CCSER1: variants seen among roughly 807,000 people sequenced by gnomAD.
CCSER1 encodes coiled-coil serine rich protein 1, also known as serine-rich coiled-coil domain-containing protein 1.
Under a neutral mutation model 82.0 loss-of-function variants are expected in CCSER1, and 41 were observed. That is an observed-to-expected ratio of 0.50 (90% CI 0.39 to 0.65). CCSER1 has a LOEUF of 0.65. Ranked by LOEUF, CCSER1 falls within the 30% of genes least tolerant of loss-of-function variation. The pLI, the probability that CCSER1 is intolerant of heterozygous loss-of-function variation, is 0.00. For missense variants in CCSER1, 1,119 were observed against 1,064.2 expected (o/e 1.05, Z -0.72); for synonymous variants, 414 against 383.9 (o/e 1.08, Z -0.92).
chr4:90,252,301 A>G (rs771629408), intron 1 of CCSER1, among the ~76,000 whole-genome samples: 5 of 151,902 alleles, frequency 3.3e-5, no homozygotes, highest in Non-Finnish European at 7.4e-5. Flanking sequence ...TGCTCAACCT[A>G]TATATGTTTA....
At chr4:91,567,373 G>T (rs185375909) in intron 10 of CCSER1, among the ~76,000 whole-genome samples, 1 of 152,216 alleles carries the variant, frequency 6.6e-6, no homozygotes, top group Non-Finnish European at 1.5e-5. Context: ...TTAAGGTGGA[G>T]AGTTATGTAA....
intron 1 of CCSER1, among the ~76,000 whole-genome samples, chr4:90,181,744 C>T (rs1403362680): frequency 6.6e-6 from 1 of 152,130 alleles, no homozygotes; most frequent in Non-Finnish European, 1.5e-5. Context: ...TTGGCAGACC[C>T]AGTGGTAGCT....
intron 8 of CCSER1, among the ~76,000 whole-genome samples, chr4:90,907,477 C>T (rs11097275): frequency 0.54 from 81,404 of 151,848 alleles, 23,558 homozygotes; most frequent in African/African-American, 0.76. Context: ...AAATCGTCAT[C>T]CTTTGGATGA....
chr4:90,837,992 T>G (rs945545268), intron 8 of CCSER1, among the ~76,000 whole-genome samples: 1 of 152,110 alleles, frequency 6.6e-6, no homozygotes, highest in Non-Finnish European at 1.5e-5. Flanking sequence ...TAAAATGCCC[T>G]GCATAATTTC....
chr4:90,440,384 A>G (rs1420276413), intron 4 of CCSER1, among the ~76,000 whole-genome samples: 1 of 152,214 alleles, frequency 6.6e-6, no homozygotes, highest in African/African-American at 2.4e-5. Context: ...GACTCTCTAA[A>G]AGCCAATGAT....
At chr4:91,480,372 G>A (rs1201614633) in intron 10 of CCSER1, among the ~76,000 whole-genome samples, 1 of 152,068 alleles carries the variant, frequency 6.6e-6, no homozygotes, top group Non-Finnish European at 1.5e-5. Flanking sequence ...GTGTAAAAGT[G>A]TTCCTATTTC....
chr4:90,708,216 G>A (rs570206463), intron 6 of CCSER1, among the ~76,000 whole-genome samples: 6 of 152,138 alleles, frequency 3.9e-5, no homozygotes, highest in Admixed American at 2.0e-4. Flanking sequence ...TCATGCCTGA[G>A]GGAAAAGCCT....
chr4:90,303,498 A>G (rs937225715), intron 1 of CCSER1, among the ~76,000 whole-genome samples: 1 of 152,078 alleles, frequency 6.6e-6, no homozygotes, highest in Non-Finnish European at 1.5e-5. Context: ...ATAATGCCGC[A>G]TATCTACAAC....
chr4:91,476,678 C>T (rs1757616764), intron 10 of CCSER1, among the ~76,000 whole-genome samples: 1 of 151,416 alleles, frequency 6.6e-6, no homozygotes, highest in Non-Finnish European at 1.5e-5. Context: ...ACTAAAATAG[C>T]ATGACACTGG....
At chr4:90,396,672 G>A (rs1365260755) in intron 3 of CCSER1, among the ~76,000 whole-genome samples, 1 of 151,738 alleles carries the variant, frequency 6.6e-6, no homozygotes, top group Non-Finnish European at 1.5e-5. Flanking sequence ...AGATTACCTA[G>A]GGAGAAGCCA....
chr4:91,006,288 T>A (rs1399094442), intron 9 of CCSER1, among the ~76,000 whole-genome samples: 1 of 152,036 alleles, frequency 6.6e-6, no homozygotes, highest in African/African-American at 2.4e-5. Context: ...AAATGAGATT[T>A]TTTTTGTGTG....
chr4:90,593,237 A>C (rs1214947343), intron 5 of CCSER1, among the ~76,000 whole-genome samples: 1 of 152,154 alleles, frequency 6.6e-6, no homozygotes, highest in African/African-American at 2.4e-5. Flanking sequence ...AGAAAAAGCA[A>C]AGGAGCAAAC....
At chr4:91,219,549 C>T (rs1737569581) in intron 10 of CCSER1, among the ~76,000 whole-genome samples, 1 of 152,046 alleles carries the variant, frequency 6.6e-6, no homozygotes, top group Admixed American at 6.6e-5. Flanking sequence ...GTGATCTGAC[C>T]ACCTTGGCCT....
intron 1 of CCSER1, among the ~76,000 whole-genome samples, chr4:90,305,722 C>T (rs1028015450): frequency 2.4e-4 from 37 of 152,182 alleles, no homozygotes; most frequent in Admixed American, 1.7e-3. Context: ...CTCTTGCACA[C>T]TGTTGGTGGG....
At chr4:91,427,061 G>T (rs1006016052) in intron 10 of CCSER1, among the ~76,000 whole-genome samples, 1 of 152,106 alleles carries the variant, frequency 6.6e-6, no homozygotes, top group African/African-American at 2.4e-5. Context: ...CTAGCAGCTA[G>T]TTCCAGAATC....
At chr4:91,315,346 C>G (rs1745758905) in intron 10 of CCSER1, among the ~76,000 whole-genome samples, 1 of 151,878 alleles carries the variant, frequency 6.6e-6, no homozygotes, top group South Asian at 2.1e-4. Context: ...AAGCAGTACA[C>G]CTCCTTGTAA....
intron 10 of CCSER1, among the ~76,000 whole-genome samples, chr4:91,263,362 C>T (rs528923959): frequency 6.6e-6 from 1 of 152,068 alleles, no homozygotes; most frequent in Non-Finnish European, 1.5e-5. Context: ...ATTTTTGTAG[C>T]CTACTGCCAA....
chr4:90,221,806 A>C (rs1742210182), intron 1 of CCSER1, among the ~76,000 whole-genome samples: 1 of 152,156 alleles, frequency 6.6e-6, no homozygotes, highest in Non-Finnish European at 1.5e-5. Flanking sequence ...GTACAGGACA[A>C]AAACTAAGAG....
intron 10 of CCSER1, among the ~76,000 whole-genome samples, chr4:91,424,268 C>T (rs1414011673): frequency 5.3e-5 from 8 of 151,670 alleles, no homozygotes; most frequent in African/African-American, 1.7e-4. Flanking sequence ...CCACCCGCCT[C>T]GGCCTCCCAA....
Sources: gnomAD v4.1 joint callset for allele counts (sites outside exome capture counted in the v4.1 genomes callset) on GRCh38, gnomAD v4.1.1 for gene constraint, MANE v1.5 for transcripts, NCBI Gene and HGNC (gene_info 2026-07-23, HGNC 2026-07-21) for gene names.